SFMBT2: variants seen among roughly 807,000 people sequenced by gnomAD.
The protein encoded by SFMBT2 is Scm like with four mbt domains 2.
In SFMBT2, 38 loss-of-function variants were observed where a neutral mutation model predicts 110.1. The ratio of observed to expected loss-of-function variants is 0.35; its 90% CI spans 0.27 to 0.45. The LOEUF is 0.45. Ranked by LOEUF, SFMBT2 falls within the 20% of genes least tolerant of loss-of-function variation. SFMBT2 has a pLI of 1.00. For synonymous variants in SFMBT2, 425 were observed against 425.4 expected (o/e 1.00, Z 0.01); for missense variants, 1,011 against 1,094.9 (o/e 0.92, Z 1.08).
Position 7,237,832 on chromosome 10 carries a change from G to A in SFMBT2, c.1120+5726C>T, listed in dbSNP as rs571921551. Among the ~76,000 whole-genome samples, 9 of 152,304 alleles carry A rather than the reference G, an allele frequency of 5.9e-5. No homozygotes were observed. In the South Asian group the frequency reaches 1.7e-3, roughly 28 times the overall value. Reference sequence around the variant, plus strand: ...ATACTGCAGGGAAGGAGATGCAAATGTTGGGAGTGGTGGTTTGCTACTGAG... The same window carrying A: ...ATACTGCAGGGAAGGAGATGCAAATATTGGGAGTGGTGGTTTGCTACTGAG... On this transcript the variant is annotated intron_variant, in intron 9 of 20. Transcript: ENST00000397167.
intron 7 of SFMBT2, among the ~76,000 whole-genome samples, chr10:7,261,284 C>A (rs1385225693): frequency 6.6e-6 from 1 of 152,214 alleles, no homozygotes; most frequent in African/African-American, 2.4e-5. Context: ...TTCCTTCGTA[C>A]CTTTTTATGC....
At chr10:7,188,788 C>T in intron 15 of SFMBT2, 55 bp from the exon 16 acceptor site, 7 of 1,441,204 alleles carry the variant, frequency 4.9e-6, no homozygotes, top group South Asian at 1.2e-5. Context: ...TTCCTACTAA[C>T]ACAAGGATGC....
intron 9 of SFMBT2, among the ~76,000 whole-genome samples, chr10:7,231,801 T>C (rs1176117613): frequency 6.6e-6 from 1 of 152,236 alleles, no homozygotes. Context: ...ACTCACTTCA[T>C]CATTTCAAAT....
intron 4 of SFMBT2, among the ~76,000 whole-genome samples, chr10:7,362,075 T>G (rs566279198): frequency 6.1e-4 from 93 of 152,302 alleles, no homozygotes; most frequent in African/African-American, 2.1e-3. Flanking sequence ...CCTTATAGAT[T>G]TACTAAACCA....
At chr10:7,284,615 G>A (rs375740500) in intron 5 of SFMBT2, 8 of 269,912 alleles carry the variant, frequency 3.0e-5, no homozygotes, top group East Asian at 1.7e-4. Context: ...TCTACTGGCC[G>A]CTACTCTAAT....
Position 7,170,212 on chromosome 10 carries a change from G to A in SFMBT2, c.2544+716C>T, listed in dbSNP as rs1837829872. Among the ~76,000 whole-genome samples, 2 of 152,322 alleles carry A rather than the reference G, an allele frequency of 1.3e-5. No individual in the cohort carries two copies. The highest frequency in any genetic ancestry group is 3.9e-4 in the East Asian group (2 of 5,176). ...AGTGCTGAGCTCTCTGGTTGTTGTGGTTGCTGTTTGTGTGTGAGCTTCATG... is the reference window on the plus strand; with the variant it reads ...AGTGCTGAGCTCTCTGGTTGTTGTGATTGCTGTTTGTGTGTGAGCTTCATG... On this transcript the variant is annotated intron_variant, in intron 20 of 20. Transcript: ENST00000397167. The surrounding 1 kb of genome is among the most constrained non-coding windows in gnomAD (Gnocchi z 4.6).
chr10:7,365,462 C>T (rs1258768296), intron 4 of SFMBT2, among the ~76,000 whole-genome samples: 2 of 152,204 alleles, frequency 1.3e-5, no homozygotes, highest in South Asian at 2.1e-4. Flanking sequence ...ACAGGCAGCA[C>T]GTGCTAGAGC....
chr10:7,353,020 AAAATAAAT>A (rs143079709), intron 4 of SFMBT2, among the ~76,000 whole-genome samples: 1 of 151,644 alleles, frequency 6.6e-6, no homozygotes, highest in Non-Finnish European at 1.5e-5. Flanking sequence ...AAAATAAATA[AAAATAAAT>A]AAATAAATAA....
intron 4 of SFMBT2, among the ~76,000 whole-genome samples, chr10:7,311,065 A>G (rs1282739414): frequency 7.0e-6 from 1 of 143,066 alleles, no homozygotes; most frequent in Non-Finnish European, 1.5e-5. Context: ...AAAAAAAAAC[A>G]AAACAAAAAC....
In SFMBT2 at chr10:7,179,300, A is replaced by G. The variant is rs1588770636; in HGVS notation, c.1809-3135T>C. Among the ~76,000 whole-genome samples, 3 of 139,272 alleles carry G rather than the reference A, an allele frequency of 2.2e-5. No individual in the cohort carries two copies. In the East Asian group the frequency reaches 7.1e-4, roughly 33 times the overall value. 91.4% of individuals were successfully genotyped at this position (139,272 alleles called of 152,430 possible). On this transcript the variant is annotated intron_variant, in intron 16 of 20. Coordinates refer to ENST00000397167, the MANE Select transcript of SFMBT2 (RefSeq NM_001387889.1). ...TTTTTCTAGGCCCTCCATTGACCCT[A>G]TGTGTAGAGACTTCCCTCTCCGTGC... is the stretch of plus-strand genomic sequence containing the variant.
At chr10:7,402,364 C>T (rs546324004) in intron 1 of SFMBT2, among the ~76,000 whole-genome samples, 61 of 152,118 alleles carry the variant, frequency 4.0e-4, no homozygotes, top group Admixed American at 7.2e-4. Context: ...ATATTCTATT[C>T]TGCCATCCAT....
rs1842565464 is a variant in SFMBT2 at position 7,301,773 on chromosome 10, C to T, written c.437-15819G>A. 6.6e-6 allele frequency among the ~76,000 whole-genome samples: 1 copy of T among 152,214 alleles called. No individual in the cohort carries two copies. Among genetic ancestry groups the T allele is most frequent in the South Asian group, 2.1e-4 (1 of 4,832 alleles). The stretch of plus-strand genomic sequence containing the variant: ...CCTCTCTACAGATGCTAGGAGTCCC[C>T]ATTCCAGCCTTTCCTGGTGCTGCTG... On this transcript the variant is annotated intron_variant, in intron 4 of 20. Transcript: ENST00000397167. The surrounding 1 kb of genome is among the most constrained non-coding windows in gnomAD (Gnocchi z 4.2).
In SFMBT2 at chr10:7,202,357, T is replaced by C. The variant is rs1838982067; in HGVS notation, c.1487+123A>G. 3 of 1,216,656 alleles carry C rather than the reference T, an allele frequency of 2.5e-6. No homozygotes were observed. The South Asian group carries it at 3.8e-5, about 15-fold the overall frequency. 75.4% of individuals were successfully genotyped at this position (1,216,656 alleles called of 1,614,324 possible). A position where few individuals can be genotyped will look rare whatever the true frequency, so the allele number is the denominator to read the frequency against. ...AATAACAGTCACTATGTTTTACTGC[T>C]ACCTCTACTAGGGTGCTATTTGTTA... is the stretch of plus-strand genomic sequence containing the variant. On this transcript the variant is annotated intron_variant, in intron 13 of 20. Transcript: ENST00000397167.
rs1842051442 is a variant in SFMBT2, at chr10:7,285,176, A to G, written c.525+690T>C. On this transcript the variant is annotated intron_variant, in intron 5 of 20. Transcript: ENST00000397167. ...TAAGAAAAACAGACTAGGTAATTCAATAATTACTTATGACACAGTGCCTTT... is the reference window on the plus strand; with the variant it reads ...TAAGAAAAACAGACTAGGTAATTCAGTAATTACTTATGACACAGTGCCTTT... 2.0e-5 allele frequency: 3 copies of G among 152,234 alleles called. No homozygotes were observed. In the East Asian group the frequency reaches 5.8e-4, roughly 29 times the overall value. 9.4% of individuals were successfully genotyped at this position (152,234 alleles called of 1,614,324 possible). A position where few individuals can be genotyped will look rare whatever the true frequency, so the allele number is the denominator to read the frequency against.
intron 7 of SFMBT2, among the ~76,000 whole-genome samples, chr10:7,257,123 G>GAGGGGAGGGGAGGGGAGA (rs1288833965): frequency 1.5e-5 from 2 of 129,224 alleles, no homozygotes; most frequent in Non-Finnish European, 3.5e-5. Flanking sequence ...GAGGGGAGGG[G>GAGGGGAGGGGAGGGGAGA]AAAGAAAAGA....
intron 15 of SFMBT2, among the ~76,000 whole-genome samples, chr10:7,190,750 G>T (rs963697534): frequency 6.6e-6 from 1 of 152,192 alleles, no homozygotes; most frequent in South Asian, 2.1e-4. Context: ...GGGTAGCAGG[G>T]AGCCTGCCCC....
Position 7,172,410 on chromosome 10 carries a change from C to T in SFMBT2, c.2151+85G>A. 3 of 1,596,940 alleles carry T rather than the reference C, an allele frequency of 1.9e-6. No homozygotes were observed. In the South Asian group the frequency reaches 3.4e-5, roughly 18 times the overall value. On this transcript the variant is annotated intron_variant, in intron 18 of 20. Transcript: ENST00000397167. This position sits in a 1 kb window ranked among gnomAD's most constrained non-coding sequence, Gnocchi z 4.6. ...ACCATCTTGCCACAATCTCCAGGGCCACCTCTGCTGTGAAGCAGCCACACT... is the reference window on the plus strand; with the variant it reads ...ACCATCTTGCCACAATCTCCAGGGCTACCTCTGCTGTGAAGCAGCCACACT...
intron 1 of SFMBT2, among the ~76,000 whole-genome samples, chr10:7,407,864 C>T (rs773918810): frequency 9.2e-5 from 14 of 152,000 alleles, no homozygotes; most frequent in Non-Finnish European, 2.1e-4. Context: ...CCCGGGAACT[C>T]CCTCGGCTTT....
In SFMBT2 at chr10:7,276,982, A is replaced by G. The variant is rs895797169; in HGVS notation, c.780T>C (p.Tyr260=). The change falls in exon 7 of 21, where the codon TAT becomes TAC. Residue 260 remains tyrosine, a synonymous_variant. Coordinates refer to ENST00000397167, the MANE Select transcript of SFMBT2 (RefSeq NM_001387889.1). ...TCCATTCAGAGGCCATCTTCAAAGG[A>G]TAGATTTCTGTATCAACAGCAAATC... The part of the protein sequence containing the change: ...KYRMDPPSEI[Y]PLKMASEWKC... The G allele has an allele frequency of 2.3e-6, 2 of 872,406 alleles. No homozygotes were observed. The highest frequency in any genetic ancestry group is 1.3e-5 in the South Asian group (1 of 76,530). 54.0% of individuals were successfully genotyped at this position (872,406 alleles called of 1,614,324 possible). A position where few individuals can be genotyped will look rare whatever the true frequency, so the allele number is the denominator to read the frequency against.
Sources: gnomAD v4.1 joint callset for allele counts (sites outside exome capture counted in the v4.1 genomes callset) on GRCh38, gnomAD v4.1.1 for gene constraint, Gnocchi (gnomAD v3.1) non-coding constraint, MANE v1.5 for transcripts, NCBI Gene and HGNC (gene_info 2026-07-23, HGNC 2026-07-21) for gene names.